The following MAST2 variants were observed in gnomAD, a reference collection of about 807,000 sequenced individuals.
MAST2 encodes the protein microtubule-associated serine/threonine-protein kinase 2.
A neutral mutation model predicts 147.4 loss-of-function variants in MAST2; 70 were observed. That is an observed-to-expected ratio of 0.47 (90% CI 0.39 to 0.58). The LOEUF (loss-of-function observed/expected upper bound fraction) is 0.58, where lower values mean the gene tolerates loss of function less well. Ranked by LOEUF, MAST2 falls within the 20% of genes least tolerant of loss-of-function variation. MAST2 has a pLI of 0.00. For synonymous variants in MAST2, 869 were observed against 896.8 expected, an observed-to-expected ratio of 0.97 and a Z score of 0.55; for missense variants, 2,080 against 2,302.3, an observed-to-expected ratio of 0.90 and a Z score of 1.98.
At chr1:45,999,969 T>A (rs544935238) in intron 6 of MAST2, among the ~76,000 whole-genome samples, 1 of 152,336 alleles carries the variant, frequency 6.6e-6, no homozygotes, top group African/African-American at 2.4e-5. Flanking sequence ...AATATATGTT[T>A]ATAAATTATG....
chr1:46,024,831 C>T (rs919643933), intron 15 of MAST2, among the ~76,000 whole-genome samples: 7 of 152,212 alleles, frequency 4.6e-5, no homozygotes, highest in African/African-American at 1.7e-4. Flanking sequence ...TTCCACCCCC[C>T]TCCATACCCT....
chr1:46,022,181 G>C (rs1389798465), intron 12 of MAST2, 99 bp downstream of exon 12: 10 of 1,485,038 alleles, frequency 6.7e-6, no homozygotes, highest in Non-Finnish European at 9.2e-6. Context: ...CTTGGACATG[G>C]ACACAACATG....
rs750819596 is a variant in MAST2, at chr1:46,034,270, C to T, written c.3868+4C>T. On this transcript the variant is annotated splice_donor_region_variant and intron_variant, in intron 28 of 28. Transcript: ENST00000361297. Reference sequence around the variant, plus strand: ...ACCCCCGATGCTGTGCATTCAGGTACGAAGGGCTCCCTGCAGATCAGTGAC... The same window carrying T: ...ACCCCCGATGCTGTGCATTCAGGTATGAAGGGCTCCCTGCAGATCAGTGAC... 8.8e-5 allele frequency: 141 copies of T among 1,609,286 alleles called. No homozygotes were observed. The highest frequency in any genetic ancestry group is 1.7e-4 in the Middle Eastern group (1 of 6,054).
chr1:46,019,643 G>A lies in MAST2; in HGVS notation c.1236G>A (p.Leu412=), dbSNP rs759605568. The A allele has an allele frequency of 1.2e-6, 2 of 1,614,134 alleles. No individual in the cohort carries two copies. Among genetic ancestry groups the A allele is most frequent in the South Asian group, 1.1e-5 (1 of 91,080 alleles). The change falls in exon 11 of 29, where the codon CTG becomes CTA. Residue 412 remains leucine (L), a synonymous_variant. Transcript: ENST00000361297. ...ESSEVAFVMQ[L]VKKLMIIIAR... ...CAGAAGTGGCTTTTGTGATGCAGCT[G>A]GTGAAAAAGCTGATGATTATCATTG... is the stretch of plus-strand genomic sequence containing the variant.
chr1:45,996,606 G>C (rs1384838974), intron 5 of MAST2, among the ~76,000 whole-genome samples: 3 of 152,072 alleles, frequency 2.0e-5, no homozygotes, highest in Non-Finnish European at 4.4e-5. Flanking sequence ...GGGGTGAGAA[G>C]AACTGAAAAT....
At position 45,917,630 on chromosome 1, in the gene MAST2, A is replaced by G. The variant is rs906188402; in HGVS notation, c.500+35235A>G. 128 of 890,376 alleles carry G rather than the reference A, an allele frequency of 1.4e-4. No individual in the cohort carries two copies. In the African/African-American group the frequency reaches 2.0e-3, roughly 14 times the overall value. 55.2% of individuals were successfully genotyped at this position (890,376 alleles called of 1,614,324 possible). The stretch of plus-strand genomic sequence containing the variant: ...CCTTAATAATGGGGAGAAATGGAGT[A>G]AGAGTCTTGGTTCTGTCACAGAGAA... On this transcript the variant is annotated intron_variant, in intron 4 of 28. Transcript: ENST00000361297.
chr1:45,807,014 T>G (rs192650973), intron 1 of MAST2, among the ~76,000 whole-genome samples: 46 of 152,330 alleles, frequency 3.0e-4, no homozygotes, highest in Admixed American at 2.9e-3. Context: ...TTTTTCAAAT[T>G]GAAATATAAT....
At chr1:46,007,510 A>C (rs974210859) in intron 8 of MAST2, among the ~76,000 whole-genome samples, 5 of 152,188 alleles carry the variant, frequency 3.3e-5, no homozygotes, top group African/African-American at 4.8e-5. Flanking sequence ...TATTACTCTT[A>C]AATCCTTGGT....
chr1:46,008,173 C>G, intron 8 of MAST2, 123 bp from the exon 9 acceptor site: 1 of 666,176 alleles, frequency 1.5e-6, no homozygotes. Context: ...ACTCAGTACC[C>G]GTTAAAGTGG....
intron 5 of MAST2, among the ~76,000 whole-genome samples, chr1:45,995,878 T>C (rs1645035572): frequency 6.6e-6 from 1 of 152,192 alleles, no homozygotes; most frequent in South Asian, 2.1e-4. Context: ...GGGCCTAGCC[T>C]TCAGGTTTCA....
intron 10 of MAST2, among the ~76,000 whole-genome samples, chr1:46,011,354 A>G (rs537960140): frequency 2.0e-5 from 3 of 152,332 alleles, no homozygotes; most frequent in Admixed American, 2.0e-4. Context: ...GAAAACAGGT[A>G]TGAGGCTTGC....
chr1:45,938,136 A>G (rs1656575768), intron 4 of MAST2, among the ~76,000 whole-genome samples: 1 of 152,198 alleles, frequency 6.6e-6, no homozygotes, highest in South Asian at 2.1e-4. Context: ...ATTGTTGAAT[A>G]ATGTTTTATT....
At chr1:45,894,807 G>A (rs1648464596) in intron 4 of MAST2, among the ~76,000 whole-genome samples, 1 of 152,102 alleles carries the variant, frequency 6.6e-6, no homozygotes, top group African/African-American at 2.4e-5. Flanking sequence ...CAATTAATTT[G>A]ATAATGAGTA....
intron 4 of MAST2, among the ~76,000 whole-genome samples, chr1:45,933,387 CT>C (rs1655670730): frequency 6.6e-6 from 1 of 152,114 alleles, no homozygotes; most frequent in South Asian, 2.1e-4. Context: ...GATACCTCCA[CT>C]TCTAATTCTA....
At chr1:46,001,517 G>A (rs1012362624) in intron 6 of MAST2, among the ~76,000 whole-genome samples, 1 of 152,162 alleles carries the variant, frequency 6.6e-6, no homozygotes, top group Non-Finnish European at 1.5e-5. Flanking sequence ...TTTATTGTGT[G>A]GTGCTCCCAG....
intron 4 of MAST2, among the ~76,000 whole-genome samples, chr1:45,897,082 T>G (rs1324852201): frequency 6.6e-6 from 1 of 152,240 alleles, no homozygotes; most frequent in Non-Finnish European, 1.5e-5. Context: ...TATTCACTTC[T>G]TTACTTTCAG....
chr1:45,943,807 A>G (rs1427821543), intron 4 of MAST2, among the ~76,000 whole-genome samples: 2 of 152,230 alleles, frequency 1.3e-5, no homozygotes, highest in African/African-American at 4.8e-5. Flanking sequence ...TAATGCACTC[A>G]TGAATTTTTG....
At chr1:45,924,216 T>C (rs1653992900) in intron 4 of MAST2, among the ~76,000 whole-genome samples, 1 of 152,120 alleles carries the variant, frequency 6.6e-6, no homozygotes, top group South Asian at 2.1e-4. Flanking sequence ...ATTTTACCCC[T>C]GCTCATTACT....
At chr1:45,818,487 AATG>A (rs1187139111) in intron 1 of MAST2, among the ~76,000 whole-genome samples, 1 of 152,160 alleles carries the variant, frequency 6.6e-6, no homozygotes, top group Non-Finnish European at 1.5e-5. Context: ...GACACTTCAA[AATG>A]ATGATTATTT....
Sources: allele counts gnomAD v4.1 joint callset (sites outside exome capture counted in the v4.1 genomes callset), GRCh38; gene constraint gnomAD v4.1.1; transcripts MANE v1.5; gene names NCBI Gene and HGNC (gene_info 2026-07-23, HGNC 2026-07-21).